MECR: variants seen among roughly 807,000 people sequenced by gnomAD.
MECR encodes the protein enoyl-[acyl-carrier-protein] reductase, mitochondrial.
In MECR, 37 loss-of-function variants were observed where a neutral mutation model predicts 49.1. That is an observed-to-expected ratio of 0.75 (90% confidence interval 0.58 to 0.99). The LOEUF (loss-of-function observed/expected upper bound fraction) is 0.99, where lower values mean the gene tolerates loss of function less well. Ranked by LOEUF, MECR falls within the 50% of genes least tolerant of loss-of-function variation. MECR has a pLI of 0.00. For missense variants in MECR, 470 were observed against 479.6 expected, an observed-to-expected ratio of 0.98 and a Z score of 0.19; for synonymous variants, 198 against 191.1, an observed-to-expected ratio of 1.04 and a Z score of -0.30.
At position 29,193,248 on chromosome 1, in the gene MECR, G is replaced by C. The variant is rs1673239960; in HGVS notation, c.*774C>G. 3 of 186,208 alleles carry C rather than the reference G, an allele frequency of 1.6e-5. No homozygotes were observed. The highest frequency in any genetic ancestry group is 1.3e-4 in the Admixed American group (3 of 23,604). 11.5% of individuals were successfully genotyped at this position (186,208 alleles called of 1,614,324 possible). A position where few individuals can be genotyped will look rare whatever the true frequency, so the allele number is the denominator to read the frequency against. On this transcript the variant is annotated 3_prime_UTR_variant, in exon 10 of 10. Coordinates refer to ENST00000263702, the MANE Select transcript of MECR (RefSeq NM_016011.5). ...GTGTGAGCCACCGCGCCAGGCCTTG[G>C]GTAATTCTTTGTTGCAGTAGACTGT...
chr1:29,228,110 A>C (rs976834259), intron 1 of MECR, among the ~76,000 whole-genome samples: 22 of 152,142 alleles, frequency 1.4e-4, no homozygotes, highest in Admixed American at 9.8e-4. Context: ...GTGTGGTGGT[A>C]CACACCTGCA....
chr1:29,216,725 G>GCTA, intron 1 of MECR, 40 bp from the exon 2 acceptor site: 1 of 1,613,748 alleles, frequency 6.2e-7, no homozygotes, highest in South Asian at 1.1e-5. Flanking sequence ...TGTCATCCAG[G>GCTA]CTAGAATGGG....
chr1:29,189,398 G>GA (rs1379137960), downstream of MECR, among the ~76,000 whole-genome samples: 2 of 150,062 alleles, frequency 1.3e-5, no homozygotes, highest in Non-Finnish European at 3.0e-5. Context: ...AGATGGGTTG[G>GA]GGGGGGGTCT....
the MECR span, among the ~76,000 whole-genome samples, chr1:29,179,274 G>T: frequency 6.6e-6 from 1 of 152,014 alleles, no homozygotes; most frequent in Admixed American, 6.6e-5. Flanking sequence ...TTTCATAATT[G>T]CTTCTTACTG....
chr1:29,183,880 CTTTT>C, the MECR span, among the ~76,000 whole-genome samples: 3 of 125,730 alleles, frequency 2.4e-5, no homozygotes, highest in Admixed American at 7.9e-5. Context: ...ATTTATTCTA[CTTTT>C]TTTTTTTTTT....
At chr1:29,202,400 GACAT>G (rs894653036) in intron 5 of MECR, among the ~76,000 whole-genome samples, 1 of 152,164 alleles carries the variant, frequency 6.6e-6, no homozygotes, top group African/African-American at 2.4e-5. Flanking sequence ...CAGAGTGTTG[GACAT>G]ACACAGTCTA....
intron 1 of MECR, among the ~76,000 whole-genome samples, chr1:29,227,446 G>A (rs1682379074): frequency 6.6e-6 from 1 of 152,218 alleles, no homozygotes; most frequent in Admixed American, 6.5e-5. Context: ...ATCCCATTTT[G>A]GAAGAAAGGG....
chr1:29,215,962 A>T, intron 3 of MECR, 43 bp downstream of exon 3: 5 of 1,610,252 alleles, frequency 3.1e-6, no homozygotes, highest in Non-Finnish European at 4.2e-6. Context: ...GTGAAATAGG[A>T]TCTGGAAGAA....
At chr1:29,181,154 G>A in the MECR span, among the ~76,000 whole-genome samples, 3 of 152,216 alleles carry the variant, frequency 2.0e-5, no homozygotes, top group Admixed American at 1.3e-4. Flanking sequence ...GGCTAAAAAG[G>A]GCCTCCCTCC....
At chr1:29,223,769 T>G (rs1019582783) in intron 1 of MECR, among the ~76,000 whole-genome samples, 2 of 152,168 alleles carry the variant, frequency 1.3e-5, no homozygotes, top group Non-Finnish European at 2.9e-5. Flanking sequence ...TAATAATTAA[T>G]AAGCAGGGCA....
the MECR span, among the ~76,000 whole-genome samples, chr1:29,178,170 GAT>G: frequency 1.3e-5 from 2 of 151,922 alleles, no homozygotes; most frequent in African/African-American, 4.8e-5. Flanking sequence ...AAGGTGATGG[GAT>G]TACAGGTGTG....
At chr1:29,176,146 G>C in the MECR span, among the ~76,000 whole-genome samples, 2 of 151,868 alleles carry the variant, frequency 1.3e-5, no homozygotes, top group African/African-American at 4.8e-5. Context: ...CAGCTACTTG[G>C]GAGGCTGAGG....
At chr1:29,184,157 C>A in the MECR span, among the ~76,000 whole-genome samples, 1 of 144,864 alleles carries the variant, frequency 6.9e-6, no homozygotes, top group Non-Finnish European at 1.5e-5. Context: ...GGACTACAGG[C>A]GTGAGCCACT....
rs140504683 is a variant in MECR at position 29,194,142 on chromosome 1, G to A, written c.1002C>T (p.Leu334=). The A allele has an allele frequency of 9.2e-5, 148 of 1,613,544 alleles. No homozygotes were observed. In the Middle Eastern group the frequency reaches 2.0e-3, roughly 22 times the overall value. The change falls in exon 10 of 10, where the codon CTC becomes CTT. Residue 334 remains leucine (L), a synonymous_variant. Coordinates refer to ENST00000263702, the MANE Select transcript of MECR (RefSeq NM_016011.5). ...GGGCTGTGAGCTGGCCTCGGCGGAT[G>A]AGATCGCACAGTGTGAGGATCAGCT... ...FKELILTLCD[L]IRRGQLTAPA...
chr1:29,190,738 G>A (rs952488180), downstream of MECR, among the ~76,000 whole-genome samples: 2 of 150,280 alleles, frequency 1.3e-5, no homozygotes, highest in South Asian at 2.1e-4. Flanking sequence ...GCAGTGAGCC[G>A]AGATTGCACC....
chr1:29,222,562 G>A (rs1331355905), intron 1 of MECR, among the ~76,000 whole-genome samples: 1 of 152,174 alleles, frequency 6.6e-6, no homozygotes, highest in Non-Finnish European at 1.5e-5. Flanking sequence ...TGTGGGCTGG[G>A]AACATTACAG....
intron 3 of MECR, among the ~76,000 whole-genome samples, chr1:29,214,713 C>T (rs1678931552): frequency 6.6e-6 from 1 of 152,090 alleles, no homozygotes; most frequent in African/African-American, 2.4e-5. Context: ...AGTTACAACC[C>T]AGAAGATCAT....
chr1:29,212,920 C>T (rs1558468503), intron 3 of MECR, among the ~76,000 whole-genome samples: 1 of 152,168 alleles, frequency 6.6e-6, no homozygotes, highest in Non-Finnish European at 1.5e-5. Flanking sequence ...CAGTGCTGTG[C>T]CTTCTCTCAT....
At chr1:29,211,030 C>A (rs1052815248) in intron 3 of MECR, among the ~76,000 whole-genome samples, 2 of 151,944 alleles carry the variant, frequency 1.3e-5, no homozygotes, top group African/African-American at 4.8e-5. Context: ...ACTTGGGGGT[C>A]AGCAAACTGT....
Sources: allele counts gnomAD v4.1 joint callset (sites outside exome capture counted in the v4.1 genomes callset), GRCh38; gene constraint gnomAD v4.1.1; transcripts MANE v1.5; gene names NCBI Gene and HGNC (gene_info 2026-07-23, HGNC 2026-07-21).